Variants in OOEP observed in about 807,000 individuals in gnomAD.
OOEP encodes oocyte expressed protein.
A neutral mutation model predicts 13.7 loss-of-function variants in OOEP; 16 were observed. The ratio of observed to expected loss-of-function variants is 1.16; its 90% CI spans 0.79 to 1.77. OOEP has a LOEUF of 1.77. OOEP is among the 40% of genes most tolerant of loss of function. The pLI, the probability that OOEP is intolerant of heterozygous loss-of-function variation, is 0.00. For missense variants in OOEP, 195 were observed against 193.1 expected, an observed-to-expected ratio of 1.01 and a Z score of -0.06; for synonymous variants, 89 against 77.1, an observed-to-expected ratio of 1.15 and a Z score of -0.81.
In OOEP at chr6:73,380,884, C is replaced by T. The variant is rs139869642; in HGVS notation, c.26-11499G>A. On this transcript the variant is annotated intron_variant, in intron 2 of 3. Coordinates refer to the OOEP transcript ENST00000370363. ...ACAATCAAGGCCAGGCACAGTGGCT[C>T]ACGCTTGTAATCCCAGCACTTTGGG... 5.7e-3 allele frequency among the ~76,000 whole-genome samples: 864 copies of T among 152,214 alleles called. 12 individuals carry two copies. Among genetic ancestry groups the T allele is most frequent in the African/African-American group, 0.018 (755 of 41,530 alleles).
At chr6:73,386,533 G>A (rs1270354150) in intron 2 of OOEP, among the ~76,000 whole-genome samples, 6 of 152,188 alleles carry the variant, frequency 3.9e-5, no homozygotes, top group African/African-American at 1.4e-4. Flanking sequence ...AGTTTAGTAA[G>A]TGTATAATTT....
intron 2 of OOEP, among the ~76,000 whole-genome samples, chr6:73,385,589 A>C (rs2150782581): frequency 6.6e-6 from 1 of 151,248 alleles, no homozygotes; most frequent in East Asian, 2.0e-4. Flanking sequence ...CCTAAATAAA[A>C]GCTCTCTTTT....
chr6:73,378,871 A>G lies in OOEP; in HGVS notation c.26-9486T>C, dbSNP rs1051882217. ...CAACAGAGCCAGATACTGTCTCCAG[A>G]AAAAAAAAAAAAATTATTGATTACC... is the stretch of plus-strand genomic sequence containing the variant. On this transcript the variant is annotated intron_variant, in intron 2 of 3. Transcript: ENST00000370363. Among the ~76,000 whole-genome samples the G allele has an allele frequency of 7.9e-5, 11 of 138,936 alleles. No homozygotes were observed. The Admixed American group carries it at 8.1e-4, about 10-fold the overall frequency. The allele number at this position is 138,936 out of a possible 152,430, so 91.1% of individuals were successfully genotyped here. A position where few individuals can be genotyped will look rare whatever the true frequency, so the allele number is the denominator to read the frequency against.
At chr6:73,377,022 T>C (rs940895404) in intron 2 of OOEP, among the ~76,000 whole-genome samples, 2 of 152,218 alleles carry the variant, frequency 1.3e-5, no homozygotes, top group Non-Finnish European at 2.9e-5. Flanking sequence ...AGATGCCCTA[T>C]GGTTCTTTGG....
chr6:73,377,714 C>T (rs775126095), intron 2 of OOEP, among the ~76,000 whole-genome samples: 42 of 152,110 alleles, frequency 2.8e-4, no homozygotes, highest in Non-Finnish European at 4.7e-4. Flanking sequence ...GTCACCTAGA[C>T]GGGAGTGCAG....
At chr6:73,386,968 T>G (rs1391208431) in intron 2 of OOEP, among the ~76,000 whole-genome samples, 1 of 78,180 alleles carries the variant, frequency 1.3e-5, no homozygotes, top group Admixed American at 2.2e-4. Context: ...AGGGCAAAAT[T>G]CCATCTCAGA....
At chr6:73,378,306 T>C (rs368058593) in intron 2 of OOEP, among the ~76,000 whole-genome samples, 54 of 151,912 alleles carry the variant, frequency 3.6e-4, no homozygotes, top group African/African-American at 1.3e-3. Context: ...GGTTTCTTCA[T>C]GTTGGCCAGG....
chr6:73,390,843 C>T (rs1253154816), intron 2 of OOEP, among the ~76,000 whole-genome samples: 1 of 151,120 alleles, frequency 6.6e-6, no homozygotes, highest in Non-Finnish European at 1.5e-5. Context: ...CTCAGGTAAT[C>T]TGCCTGCCTT....
chr6:73,373,116 C>T (rs1326511824), upstream of OOEP: 1 of 1,604,378 alleles, frequency 6.2e-7, no homozygotes, highest in East Asian at 2.2e-5. Flanking sequence ...CCTTATAGAC[C>T]CAGCTTGGTT....
intron 2 of OOEP, among the ~76,000 whole-genome samples, chr6:73,377,233 T>C (rs1371083258): frequency 6.6e-6 from 1 of 152,092 alleles, no homozygotes; most frequent in Non-Finnish European, 1.5e-5. Context: ...TTGCTGAAAA[T>C]ATAATCCTGT....
rs1023097690 is a variant in OOEP at position 73,369,454 on chromosome 6, G to C, written c.191-69C>G. 5 of 1,540,926 alleles carry C rather than the reference G, an allele frequency of 3.2e-6. No homozygotes were observed. In the African/African-American group the frequency reaches 5.4e-5, roughly 17 times the overall value. On this transcript the variant is annotated intron_variant, in intron 1 of 2. Transcript: ENST00000370359. Reference sequence around the variant, plus strand: ...GTTAGAAGCTGGATTTGAAGGGAATGTTGGCCAGGGAAGGGAAGAACTGGA... The same window carrying C: ...GTTAGAAGCTGGATTTGAAGGGAATCTTGGCCAGGGAAGGGAAGAACTGGA...
At chr6:73,383,844 A>T (rs539936663) in intron 2 of OOEP, among the ~76,000 whole-genome samples, 28 of 152,196 alleles carry the variant, frequency 1.8e-4, no homozygotes, top group Non-Finnish European at 3.5e-4. Context: ...CACACCTGTA[A>T]TCACACTTTG....
intron 2 of OOEP, among the ~76,000 whole-genome samples, chr6:73,383,972 T>G (rs1341521965): frequency 6.6e-6 from 1 of 151,956 alleles, no homozygotes; most frequent in Non-Finnish European, 1.5e-5. Flanking sequence ...GGCACATGCC[T>G]GTAATCCCAG....
chr6:73,380,978 A>C (rs1489544742), intron 2 of OOEP, among the ~76,000 whole-genome samples: 4 of 151,750 alleles, frequency 2.6e-5, no homozygotes, highest in Non-Finnish European at 5.9e-5. Flanking sequence ...ACTAAACCCT[A>C]TCTCTACTAA....
intron 2 of OOEP, among the ~76,000 whole-genome samples, chr6:73,380,961 C>G (rs991567771): frequency 2.0e-5 from 3 of 151,706 alleles, no homozygotes; most frequent in African/African-American, 7.3e-5. Context: ...CCAGCCTGGC[C>G]AACGTGACTA....
chr6:73,390,135 C>T (rs568473477), intron 2 of OOEP, among the ~76,000 whole-genome samples: 11 of 151,966 alleles, frequency 7.2e-5, no homozygotes, highest in South Asian at 2.1e-4. Context: ...GCCCAGATCC[C>T]GCCACTGCAC....
At chr6:73,370,883 G>C (rs975803422), upstream of OOEP, among the ~76,000 whole-genome samples, 42 of 152,214 alleles carry the variant, frequency 2.8e-4, no homozygotes, top group African/African-American at 8.9e-4. Flanking sequence ...CCAGGCCTAA[G>C]CGACCCTCCC....
chr6:73,380,382 T>C lies in OOEP; in HGVS notation c.26-10997A>G, dbSNP rs182379683. 4.6e-5 allele frequency among the ~76,000 whole-genome samples: 7 copies of C among 152,118 alleles called. No individual in the cohort carries two copies. In the East Asian group the frequency reaches 1.2e-3, roughly 25 times the overall value. ...CTCATCTCAGCCTCCTGAGCAGTTA[T>C]TGAAATGCACCAATAACAATGCTAA... On this transcript the variant is annotated intron_variant, in intron 2 of 3. Transcript: ENST00000370363.
intron 2 of OOEP, chr6:73,394,318 A>G (rs974176040): frequency 1.4e-6 from 1 of 714,794 alleles, no homozygotes; most frequent in Non-Finnish European, 2.6e-6. Flanking sequence ...TTATGTGTGG[A>G]TTGGGTCACC....
Sources: allele counts gnomAD v4.1 joint callset (sites outside exome capture counted in the v4.1 genomes callset), GRCh38; gene constraint gnomAD v4.1.1; transcripts MANE v1.5; gene names NCBI Gene and HGNC (gene_info 2026-07-23, HGNC 2026-07-21).